ELMO1: variants seen among roughly 807,000 people sequenced by gnomAD.
ELMO1 encodes the protein engulfment and cell motility protein 1.
Under a neutral mutation model 98.9 loss-of-function variants are expected in ELMO1, and 26 were observed. The observed-to-expected ratio is 0.26, with a 90% confidence interval of 0.19 to 0.36. ELMO1 has a LOEUF of 0.36. Ranked by LOEUF, ELMO1 falls within the 10% of genes least tolerant of loss-of-function variation. The pLI is 1.00. For missense variants in ELMO1, 627 were observed against 935.2 expected (o/e 0.67, Z 4.30); for synonymous variants, 346 against 346.0 (o/e 1.00, Z 0.00).
At chr7:37,302,198 G>C (rs1037961995) in intron 4 of ELMO1, among the ~76,000 whole-genome samples, 1 of 152,110 alleles carries the variant, frequency 6.6e-6, no homozygotes, top group Non-Finnish European at 1.5e-5. Flanking sequence ...AGGCTGAAGT[G>C]CAGTGGCTAT....
At chr7:37,175,738 T>G (rs919123641) in intron 13 of ELMO1, among the ~76,000 whole-genome samples, 4 of 152,218 alleles carry the variant, frequency 2.6e-5, no homozygotes, top group African/African-American at 9.6e-5. Flanking sequence ...TCCCAGCTAC[T>G]CGGGAGGCTG....
At chr7:37,089,630 A>G (rs1030388061) in intron 15 of ELMO1, among the ~76,000 whole-genome samples, 2 of 152,204 alleles carry the variant, frequency 1.3e-5, no homozygotes, top group Non-Finnish European at 2.9e-5. Flanking sequence ...TTTTTCTGCA[A>G]TCTTTGATAT....
At position 37,096,599 on chromosome 7, in the gene ELMO1, TG is replaced by T; in HGVS notation, c.1300+19del. 2 of 1,609,814 alleles carry T rather than the reference TG, an allele frequency of 1.2e-6. No homozygotes were observed. The highest frequency in any genetic ancestry group is 1.1e-5 in the South Asian group (1 of 90,968). ...GGACTCTGCCAGCTTCACACCCATG[TG>T]GGAAATAAGTATACTTACGCAACTC... On this transcript the variant is annotated intron_variant, in intron 15 of 21. Coordinates refer to ENST00000310758, the MANE Select transcript of ELMO1 (RefSeq NM_014800.11).
intron 1 of ELMO1, chr7:37,375,918 T>C: frequency 1.5e-6 from 1 of 649,406 alleles, no homozygotes; most frequent in Non-Finnish European, 2.8e-6. Context: ...ATAGTGCTGC[T>C]GTGCCTCCTG....
At chr7:37,213,818 A>G (rs184478733) in intron 11 of ELMO1, among the ~76,000 whole-genome samples, 6 of 152,372 alleles carry the variant, frequency 3.9e-5, no homozygotes, top group African/African-American at 1.2e-4. Context: ...CACGCAGCAG[A>G]AAAACCAATG....
intron 15 of ELMO1, among the ~76,000 whole-genome samples, chr7:37,078,114 G>C (rs1797680900): frequency 6.6e-6 from 1 of 152,098 alleles, no homozygotes; most frequent in Admixed American, 6.5e-5. Flanking sequence ...AATATTTTAA[G>C]TTCAATTTAA....
intron 4 of ELMO1, among the ~76,000 whole-genome samples, chr7:37,278,113 C>CTTTTTTTTTTTTTT (rs36110041): frequency 1.2e-5 from 1 of 85,606 alleles, no homozygotes; most frequent in Non-Finnish European, 2.1e-5. Context: ...ATAGCTTTTC[C>CTTTTTTTTTTTTTT]TTTTTTTTTT....
chr7:37,252,430 A>G (rs1280517655), intron 6 of ELMO1, among the ~76,000 whole-genome samples: 1 of 152,334 alleles, frequency 6.6e-6, no homozygotes, highest in East Asian at 1.9e-4. Context: ...AATGCCACAC[A>G]TCTACAACCA....
intron 15 of ELMO1, among the ~76,000 whole-genome samples, chr7:37,094,073 C>T (rs536957497): frequency 5.3e-5 from 8 of 152,234 alleles, no homozygotes; most frequent in African/African-American, 1.9e-4. Flanking sequence ...TTCCTTTGTA[C>T]CTGCAGTGTC....
intron 13 of ELMO1, among the ~76,000 whole-genome samples, chr7:37,171,483 ATTTTT>A (rs71780142): frequency 7.2e-5 from 6 of 82,942 alleles, no homozygotes; most frequent in African/African-American, 2.1e-4. Flanking sequence ...AGGCCTTTCT[ATTTTT>A]TTTTTTTTTT....
intron 14 of ELMO1, among the ~76,000 whole-genome samples, chr7:37,116,143 C>T (rs1314828582): frequency 6.6e-6 from 1 of 151,776 alleles, no homozygotes; most frequent in East Asian, 1.9e-4. Context: ...AACCTTTCCC[C>T]TTCAAAGAAA....
At chr7:37,071,604 G>T (rs1284124587) in intron 15 of ELMO1, among the ~76,000 whole-genome samples, 1 of 151,974 alleles carries the variant, frequency 6.6e-6, no homozygotes, top group Non-Finnish European at 1.5e-5. Flanking sequence ...CACTCCCCAG[G>T]TTTAATTAAG....
At chr7:37,092,610 T>C (rs1034951442) in intron 15 of ELMO1, among the ~76,000 whole-genome samples, 4 of 152,008 alleles carry the variant, frequency 2.6e-5, no homozygotes, top group African/African-American at 7.2e-5. Context: ...CTCCTGACCT[T>C]GTGATCAGCC....
chr7:37,208,956 T>C (rs567085339), intron 13 of ELMO1, among the ~76,000 whole-genome samples: 1 of 152,210 alleles, frequency 6.6e-6, no homozygotes, highest in African/African-American at 2.4e-5. Flanking sequence ...GGATGACTTT[T>C]CAAGTCCTCA....
chr7:37,187,858 G>A (rs367549243), intron 13 of ELMO1, among the ~76,000 whole-genome samples: 100 of 152,142 alleles, frequency 6.6e-4, no homozygotes, highest in Admixed American at 2.0e-3. Context: ...AAAAAATAAC[G>A]ACACAAGGCC....
At chr7:37,385,184 T>C (rs1802745700) in intron 1 of ELMO1, among the ~76,000 whole-genome samples, 1 of 152,252 alleles carries the variant, frequency 6.6e-6, no homozygotes, top group South Asian at 2.1e-4. Flanking sequence ...TGCTCTAGAA[T>C]GATCCATTTG....
chr7:37,437,555 G>A (rs749258741), intron 1 of ELMO1, among the ~76,000 whole-genome samples: 132 of 152,280 alleles, frequency 8.7e-4, no homozygotes, highest in Non-Finnish European at 1.6e-3. Flanking sequence ...ACAATTGGAC[G>A]TATTGATACA....
chr7:37,046,096 C>A (rs1375744072), intron 15 of ELMO1, among the ~76,000 whole-genome samples: 2 of 152,212 alleles, frequency 1.3e-5, no homozygotes, highest in African/African-American at 2.4e-5. Flanking sequence ...CCACCTTTAC[C>A]TACACACAAT....
At chr7:37,230,460 C>A (rs1447513036) in intron 8 of ELMO1, among the ~76,000 whole-genome samples, 2 of 152,136 alleles carry the variant, frequency 1.3e-5, no homozygotes, top group Non-Finnish European at 2.9e-5. Context: ...AGGAGAAGCA[C>A]CCTGACCATG....
Sources: gnomAD v4.1 joint callset for allele counts (sites outside exome capture counted in the v4.1 genomes callset) on GRCh38, gnomAD v4.1.1 for gene constraint, MANE v1.5 for transcripts, NCBI Gene and HGNC (gene_info 2026-07-23, HGNC 2026-07-21) for gene names.